GTSE1: variants seen among roughly 807,000 people sequenced by gnomAD.
GTSE1 encodes the protein G2 and S phase-expressed protein 1.
In GTSE1, 52 loss-of-function variants were observed where a neutral mutation model predicts 60.5. The observed-to-expected ratio is 0.86, with a 90% CI of 0.69 to 1.08. The LOEUF is 1.08. GTSE1 is among the 50% of genes least tolerant of loss of function. The pLI, the probability that GTSE1 is intolerant of heterozygous loss-of-function variation, is 0.00. For synonymous variants in GTSE1, 368 were observed against 386.5 expected, an observed-to-expected ratio of 0.95 and a Z score of 0.56; for missense variants, 937 against 961.8, an observed-to-expected ratio of 0.97 and a Z score of 0.34.
chr22:46,327,596 T>C (rs2077851445), intron 9 of GTSE1, among the ~76,000 whole-genome samples: 1 of 151,984 alleles, frequency 6.6e-6, no homozygotes, highest in Admixed American at 6.6e-5. Context: ...AATCACTTGA[T>C]TCTGGGAGGC....
intron 9 of GTSE1, 89 bp from the exon 10 acceptor site, chr22:46,328,599 T>C (rs976211473): frequency 2.0e-6 from 2 of 1,012,172 alleles, no homozygotes; most frequent in Non-Finnish European, 3.1e-6. Context: ...CCCAGGACAC[T>C]GTTCCTCCAG....
At position 46,314,260 on chromosome 22, in the gene GTSE1, T is replaced by G. The variant is rs1416693114; in HGVS notation, c.1051+247T>G. On this transcript the variant is annotated intron_variant, in intron 6 of 11. Coordinates refer to ENST00000454366, the MANE Select transcript of GTSE1 (RefSeq NM_016426.7). The surrounding 1 kb of genome is among the most constrained non-coding windows in gnomAD (Gnocchi z 7.1). ...ACGGGGTACACATGGCCAGAAAGCA[T>G]GTATGATACCCCGTGCCTGAGAACA... 6.6e-6 allele frequency among the ~76,000 whole-genome samples: 1 copy of G among 152,174 alleles called. No individual in the cohort carries two copies. Among genetic ancestry groups the G allele is most frequent in the South Asian group, 2.1e-4 (1 of 4,830 alleles).
chr22:46,322,403 G>T (rs1011851089), intron 7 of GTSE1, among the ~76,000 whole-genome samples: 6 of 152,196 alleles, frequency 3.9e-5, no homozygotes, highest in African/African-American at 1.4e-4. Context: ...TTTTCCCATG[G>T]CTTCCCAGAC....
chr22:46,307,060 G>C (rs1166896830), intron 2 of GTSE1, among the ~76,000 whole-genome samples: 2 of 152,172 alleles, frequency 1.3e-5, no homozygotes, highest in Admixed American at 1.3e-4. Flanking sequence ...GCGGGGAGCT[G>C]GAGGAGGGAG....
chr22:46,305,842 G>A (rs1276121292), intron 2 of GTSE1, among the ~76,000 whole-genome samples: 1 of 151,758 alleles, frequency 6.6e-6, no homozygotes, highest in Non-Finnish European at 1.5e-5. Flanking sequence ...GGGAGGCGGA[G>A]GTTGCAGTGA....
rs1374885596 is a variant in GTSE1 at position 46,319,313 on chromosome 22, CAG to C, written c.1432+2904_1432+2905del. The stretch of plus-strand genomic sequence containing the variant: ...GAAGGTCCCTCCACAGAGGGAAGAG[CAG>C]AGTCTCTGGGCCGAAGAGTGGTGGG... On this transcript the variant is annotated intron_variant, in intron 7 of 11. Transcript: ENST00000454366. This position sits in a 1 kb window ranked among gnomAD's most constrained non-coding sequence, Gnocchi z 5.0. 6.6e-6 allele frequency among the ~76,000 whole-genome samples: 1 copy of C among 152,118 alleles called. No homozygotes were observed. The highest frequency in any genetic ancestry group is 6.5e-5 in the Admixed American group (1 of 15,268).
Position 46,304,180 on chromosome 22 carries a change from C to A in GTSE1, c.80-3970C>A, listed in dbSNP as rs116666002. ...CATTTTTTTTTTTCTTTTTGTAGAG[C>A]TGGGGTCTCGCTATGTTGCGAGGGC... On this transcript the variant is annotated intron_variant, in intron 2 of 11. Coordinates refer to ENST00000454366, the MANE Select transcript of GTSE1 (RefSeq NM_016426.7). The surrounding 1 kb of genome is among the most constrained non-coding windows in gnomAD (Gnocchi z 4.4). Among the ~76,000 whole-genome samples, 5,549 of 151,634 alleles carry A rather than the reference C, an allele frequency of 0.037. 331 individuals are homozygous for A. The highest frequency in any genetic ancestry group is 0.13 in the African/African-American group (5,217 of 41,288).
In GTSE1 at chr22:46,303,596, C is replaced by T. The variant is rs114487639; in HGVS notation, c.80-4554C>T. Among the ~76,000 whole-genome samples the T allele has an allele frequency of 5.3e-3, 807 of 152,310 alleles. 8 individuals are homozygous for T. The highest frequency in any genetic ancestry group is 0.018 in the African/African-American group (756 of 41,550). ...ATTGTGCTTGGAGATGTCATTGCCA[C>T]GTGCCTGGCTTTAATGGAATTGCTT... is the stretch of plus-strand genomic sequence containing the variant. On this transcript the variant is annotated intron_variant, in intron 2 of 11. Coordinates refer to ENST00000454366, the MANE Select transcript of GTSE1 (RefSeq NM_016426.7).
chr22:46,326,022 C>T (rs1015284810), intron 8 of GTSE1, among the ~76,000 whole-genome samples: 2 of 152,280 alleles, frequency 1.3e-5, no homozygotes, highest in Non-Finnish European at 2.9e-5. Flanking sequence ...CTCCCCCATT[C>T]GCTGGCCCAC....
At chr22:46,315,349 G>A (rs978949546) in intron 6 of GTSE1, among the ~76,000 whole-genome samples, 1 of 152,034 alleles carries the variant, frequency 6.6e-6, no homozygotes, top group African/African-American at 2.4e-5. Context: ...GAGCCACTGC[G>A]CCTGGCCCAC....
chr22:46,323,176 T>C lies in GTSE1; in HGVS notation c.1433-14T>C, dbSNP rs1322492216. 2.5e-6 allele frequency: 4 copies of C among 1,604,326 alleles called. No individual in the cohort carries two copies. The highest frequency in any genetic ancestry group is 3.4e-6 in the Non-Finnish European group (4 of 1,171,072). ...TCACTTTACCTGACCGCACACTTCC[T>C]TTCTTGGACTTAGGTGACTCCCCGG... On this transcript the variant is annotated splice_polypyrimidine_tract_variant and intron_variant, in intron 7 of 11. Coordinates refer to ENST00000454366, the MANE Select transcript of GTSE1 (RefSeq NM_016426.7).
intron 2 of GTSE1, among the ~76,000 whole-genome samples, chr22:46,303,056 C>A (rs1476174343): frequency 1.3e-5 from 2 of 152,158 alleles, no homozygotes; most frequent in South Asian, 4.2e-4. Flanking sequence ...CCTGCCACCA[C>A]ACCCGGCTAA....
Position 46,297,875 on chromosome 22 carries a change from T to C in GTSE1, c.79+396T>C, listed in dbSNP as rs1239103946. Reference sequence around the variant, plus strand: ...CCCAAACCCCTTTCTTCTTGTGTCTTTGACTGGTTTGGGTATCAAGGTGAG... The same window carrying C: ...CCCAAACCCCTTTCTTCTTGTGTCTCTGACTGGTTTGGGTATCAAGGTGAG... On this transcript the variant is annotated intron_variant, in intron 2 of 11. Transcript: ENST00000454366. This position sits in a 1 kb window ranked among gnomAD's most constrained non-coding sequence, Gnocchi z 4.9. Among the ~76,000 whole-genome samples, 1 of 152,208 alleles carries C rather than the reference T, an allele frequency of 6.6e-6. No individual in the cohort carries two copies. Among genetic ancestry groups the C allele is most frequent in the Non-Finnish European group, 1.5e-5 (1 of 68,036 alleles).
In GTSE1 at chr22:46,321,122, G is replaced by A. The variant is rs754496648; in HGVS notation, c.1433-2068G>A. On this transcript the variant is annotated intron_variant, in intron 7 of 11. Coordinates refer to ENST00000454366, the MANE Select transcript of GTSE1 (RefSeq NM_016426.7). This position sits in a 1 kb window ranked among gnomAD's most constrained non-coding sequence, Gnocchi z 4.0. ...TCACAGAGACCTCTGTGAATGGTGC[G>A]GGGTCAGTGACCCAAGAATGTTCCC... 4.6e-5 allele frequency among the ~76,000 whole-genome samples: 7 copies of A among 152,242 alleles called. No individual in the cohort carries two copies. Among genetic ancestry groups the A allele is most frequent in the Admixed American group, 2.0e-4 (3 of 15,290 alleles).
chr22:46,329,402 A>T lies in GTSE1; in HGVS notation c.1971A>T (p.Pro657=). 1.2e-6 allele frequency: 2 copies of T among 1,614,204 alleles called. No individual in the cohort carries two copies. The highest frequency in any genetic ancestry group is 1.7e-6 in the Non-Finnish European group (2 of 1,180,022). The change falls in exon 11 of 12, where the codon CCA becomes CCT. Residue 657 remains proline, a synonymous_variant. Transcript: ENST00000454366. The surrounding 1 kb of genome is among the most constrained non-coding windows in gnomAD (Gnocchi z 6.4). ...AACTGGAACCACTCGCGGTCACTCCAGATGCTGCAAGCCAGCCCCTCATTG... is the reference window on the plus strand; with the variant it reads ...AACTGGAACCACTCGCGGTCACTCCTGATGCTGCAAGCCAGCCCCTCATTG... ...DIKLEPLAVT[P]DAASQPLIDL... is the part of the protein sequence containing the mutation.
Position 46,318,718 on chromosome 22 carries a change from T to G in GTSE1, c.1432+2306T>G, listed in dbSNP as rs1307911683. Among the ~76,000 whole-genome samples the G allele has an allele frequency of 1.3e-5, 2 of 151,936 alleles. No individual in the cohort carries two copies. Among genetic ancestry groups the G allele is most frequent in the Non-Finnish European group, 1.5e-5 (1 of 67,972 alleles). On this transcript the variant is annotated intron_variant, in intron 7 of 11. Coordinates refer to ENST00000454366, the MANE Select transcript of GTSE1 (RefSeq NM_016426.7). The surrounding 1 kb of genome is among the most constrained non-coding windows in gnomAD (Gnocchi z 4.8). ...GCAGAGGTCCTGGGGCAGGAAGGCG[T>G]GGGACGTGCTCTGGGAGCAGCATGG...
At position 46,320,690 on chromosome 22, in the gene GTSE1, A is replaced by G. The variant is rs917950882; in HGVS notation, c.1433-2500A>G. 2.0e-5 allele frequency among the ~76,000 whole-genome samples: 3 copies of G among 152,188 alleles called. No individual in the cohort carries two copies. The highest frequency in any genetic ancestry group is 7.2e-5 in the African/African-American group (3 of 41,454). On this transcript the variant is annotated intron_variant, in intron 7 of 11. Transcript: ENST00000454366. The surrounding 1 kb of genome is among the most constrained non-coding windows in gnomAD (Gnocchi z 7.1). Reference sequence around the variant, plus strand: ...AAACAGTCCAGTTACAAATGTTGCTATTTACTATGAGTCCATGCTGCCGGG... The same window carrying G: ...AAACAGTCCAGTTACAAATGTTGCTGTTTACTATGAGTCCATGCTGCCGGG...
rs2077744770 is a variant in GTSE1, at chr22:46,310,957, A to G, written c.763-1184A>G. ...TCCCATGTCGTATGGTTCCATTTAT[A>G]TGAAATGACTATGACAGGCCAATGA... is the stretch of plus-strand genomic sequence containing the variant. On this transcript the variant is annotated intron_variant, in intron 4 of 11. Coordinates refer to ENST00000454366, the MANE Select transcript of GTSE1 (RefSeq NM_016426.7). This position sits in a 1 kb window ranked among gnomAD's most constrained non-coding sequence, Gnocchi z 4.4. Among the ~76,000 whole-genome samples the G allele has an allele frequency of 6.6e-6, 1 of 152,184 alleles. No homozygotes were observed. Among genetic ancestry groups the G allele is most frequent in the African/African-American group, 2.4e-5 (1 of 41,450 alleles).
At chr22:46,301,448 G>C (rs2077688547) in intron 2 of GTSE1, among the ~76,000 whole-genome samples, 1 of 151,720 alleles carries the variant, frequency 6.6e-6, no homozygotes, top group African/African-American at 2.4e-5. Context: ...CAGTCATATA[G>C]GCGAAAACTG....
Sources: allele counts gnomAD v4.1 joint callset (sites outside exome capture counted in the v4.1 genomes callset), GRCh38; gene constraint gnomAD v4.1.1; non-coding constraint Gnocchi (gnomAD v3.1); transcripts MANE v1.5; gene names NCBI Gene and HGNC (gene_info 2026-07-23, HGNC 2026-07-21).